AMZ2: variants seen among roughly 807,000 people sequenced by gnomAD.
AMZ2 encodes archaemetzincin-2.
In AMZ2, 26 loss-of-function variants were observed where a neutral mutation model predicts 36.7. The ratio of observed to expected loss-of-function variants is 0.71; its 90% CI spans 0.52 to 0.98. The LOEUF (loss-of-function observed/expected upper bound fraction) is 0.98, where lower values mean the gene tolerates loss of function less well. Among genes scored for constraint, AMZ2 ranks in the 50% least tolerant of loss-of-function variants. AMZ2 has a pLI of 0.00. For synonymous variants in AMZ2, 144 were observed against 149.1 expected, an observed-to-expected ratio of 0.97 and a Z score of 0.25; for missense variants, 394 against 430.5, an observed-to-expected ratio of 0.92 and a Z score of 0.75.
Position 68,255,781 on chromosome 17 carries a change from T to C in AMZ2, c.832T>C (p.Leu278=), listed in dbSNP as rs781999531. The C allele has an allele frequency of 1.5e-5, 25 of 1,613,992 alleles. No individual in the cohort carries two copies. The Admixed American group carries it at 1.7e-4, about 11-fold the overall frequency. Residue 278 remains leucine (L), a synonymous_variant, in exon 6 of 7, where the codon TTG becomes CTG. Coordinates refer to ENST00000359904, the MANE Select transcript of AMZ2 (RefSeq NM_016627.5). The stretch of plus-strand genomic sequence containing the variant: ...ATGCCTCATGCAAGGCTCCAACCAC[T>C]TGGAAGAAGCTGACCGGCGCCCTCT... ...LACLMQGSNH[L]EEADRRPLNL... is the part of the protein sequence containing the mutation.
upstream of AMZ2, among the ~76,000 whole-genome samples, chr17:68,246,312 G>A (rs549544266): frequency 6.6e-6 from 1 of 151,814 alleles, no homozygotes; most frequent in South Asian, 2.1e-4. Flanking sequence ...AAGTTGCAGT[G>A]AGCCGAGATC....
chr17:68,256,566 G>A (rs1462455560), intron 6 of AMZ2, among the ~76,000 whole-genome samples: 3 of 152,238 alleles, frequency 2.0e-5, no homozygotes, highest in African/African-American at 7.2e-5. Context: ...GTGTAAGAAT[G>A]AGTGTATTTC....
At chr17:68,237,670 T>TAGCACAGCAGTG (rs1318469023) in intron 1 of AMZ2, among the ~76,000 whole-genome samples, 1 of 152,150 alleles carries the variant, frequency 6.6e-6, no homozygotes, top group Non-Finnish European at 1.5e-5. Flanking sequence ...CACCTGCATT[T>TAGCACAGCAGTG]AGCACAGCAG....
intron 1 of AMZ2, among the ~76,000 whole-genome samples, chr17:68,209,306 G>A (rs1428892766): frequency 1.3e-5 from 2 of 150,980 alleles, no homozygotes; most frequent in Non-Finnish European, 2.9e-5. Context: ...CGATTCTCCT[G>A]CCTCAGCCTC....
intron 1 of AMZ2, among the ~76,000 whole-genome samples, chr17:68,207,809 C>T (rs1327641517): frequency 6.6e-6 from 1 of 152,118 alleles, no homozygotes; most frequent in Non-Finnish European, 1.5e-5. Context: ...CCTTTCTGGG[C>T]TGGCCAAGGC....
At chr17:68,207,085 A>G (rs1356481655) in intron 1 of AMZ2, 2 of 152,250 alleles carry the variant, frequency 1.3e-5, no homozygotes, top group African/African-American at 4.8e-5. Context: ...TGCAGAAGAT[A>G]TGTAGTTGAT....
In AMZ2 at chr17:68,209,632, ATT is replaced by A. The variant is rs1224207690; in HGVS notation, c.-67+3408_-67+3409del. Among the ~76,000 whole-genome samples the A allele has an allele frequency of 5.2e-3, 469 of 90,694 alleles. 8 individuals are homozygous for A. Among genetic ancestry groups the A allele is most frequent in the Non-Finnish European group, 6.6e-3 (333 of 50,080 alleles). The allele number at this position is 90,694 out of a possible 152,430, so 59.5% of individuals were successfully genotyped here. On this transcript the variant is annotated intron_variant, in intron 1 of 7. Coordinates refer to the AMZ2 transcript ENST00000674770. Reference sequence around the variant, plus strand: ...TATGTATATATATATATATATATATATTTTTTTTTTTTTTTATACAGAGTCTC... The same window carrying A: ...TATGTATATATATATATATATATATATTTTTTTTTTTTTATACAGAGTCTC...
In AMZ2 at chr17:68,248,577, C is replaced by G. The variant is rs1226615220; in HGVS notation, c.-129C>G. ...AGGCTTGGGAGGCAAGAGGAGGCCTCCTGACCTTTCACACTGCCTTTTTAA... is the reference window on the plus strand; with the variant it reads ...AGGCTTGGGAGGCAAGAGGAGGCCTGCTGACCTTTCACACTGCCTTTTTAA... On this transcript the variant is annotated 5_prime_UTR_variant, in exon 1 of 7. Coordinates refer to ENST00000359904, the MANE Select transcript of AMZ2 (RefSeq NM_016627.5). The G allele has an allele frequency of 1.7e-4, 167 of 985,904 alleles. 1 individual carries two copies. Among genetic ancestry groups the G allele is most frequent in the Non-Finnish European group, 2.0e-4 (163 of 830,026 alleles). 61.1% of individuals were successfully genotyped at this position (985,904 alleles called of 1,614,324 possible).
intron 1 of AMZ2, among the ~76,000 whole-genome samples, chr17:68,207,891 G>C (rs1811217): frequency 0.3 from 46,096 of 151,816 alleles, 7,606 homozygotes; most frequent in East Asian, 0.62. Flanking sequence ...GGCTGCGAGC[G>C]GTGCTTGCGG....
At chr17:68,250,567 T>G (rs2074379632) in intron 2 of AMZ2, 97 bp downstream of exon 2, 1 of 1,459,352 alleles carries the variant, frequency 6.9e-7, no homozygotes, top group South Asian at 1.4e-5. Context: ...TGGGCCGTTT[T>G]AGGATCGTTT....
At chr17:68,216,257 C>A (rs537336752) in intron 1 of AMZ2, among the ~76,000 whole-genome samples, 9 of 152,252 alleles carry the variant, frequency 5.9e-5, no homozygotes, top group East Asian at 1.9e-4. Flanking sequence ...CCTCAGCCCC[C>A]CTAGGAGCTG....
chr17:68,216,274 C>T (rs782427763), intron 1 of AMZ2, among the ~76,000 whole-genome samples: 10 of 152,190 alleles, frequency 6.6e-5, no homozygotes, highest in Non-Finnish European at 1.5e-4. Context: ...GCTGGGACTA[C>T]AGGCATGTGC....
At chr17:68,220,983 C>T (rs181817667) in intron 1 of AMZ2, among the ~76,000 whole-genome samples, 19 of 152,054 alleles carry the variant, frequency 1.2e-4, no homozygotes, top group African/African-American at 4.6e-4. Flanking sequence ...AAGGTTTCTC[C>T]ATGTTGGCCA....
chr17:68,253,354 C>T (rs61103052), intron 4 of AMZ2, among the ~76,000 whole-genome samples: 38,559 of 151,982 alleles, frequency 0.25, 5,071 homozygotes, highest in Admixed American at 0.32. Context: ...AAAAACTGAA[C>T]GAGAGACATA....
At chr17:68,229,287 G>A (rs567308680) in intron 1 of AMZ2, among the ~76,000 whole-genome samples, 8 of 152,174 alleles carry the variant, frequency 5.3e-5, no homozygotes, top group Admixed American at 1.3e-4. Context: ...GCACAGCCGT[G>A]GCTGAACAGA....
Position 68,255,888 on chromosome 17 carries a change from G to T in AMZ2, c.927+12G>T. On this transcript the variant is annotated intron_variant, in intron 6 of 6. Coordinates refer to ENST00000359904, the MANE Select transcript of AMZ2 (RefSeq NM_016627.5). ...TAGAAAGATACAAAGTAAGTTGGGG[G>T]GTGGACAGTCTAAAGAGGGGGAAGT... 1.2e-6 allele frequency: 2 copies of T among 1,613,324 alleles called. No homozygotes were observed. The highest frequency in any genetic ancestry group is 1.7e-6 in the Non-Finnish European group (2 of 1,179,568).
chr17:68,253,759 A>ATTT lies in AMZ2; in HGVS notation c.587-634_587-632dup, dbSNP rs71142159. On this transcript the variant is annotated intron_variant, in intron 4 of 6. Coordinates refer to ENST00000359904, the MANE Select transcript of AMZ2 (RefSeq NM_016627.5). ...ATCATGACTTCCTATTGTTCATGTG[A>ATTT]TTTTTTTTTTTTTGAGACTGAGTAT... Among the ~76,000 whole-genome samples the ATTT allele has an allele frequency of 8.8e-3, 1,283 of 146,582 alleles. 12 individuals are homozygous for ATTT. The highest frequency in any genetic ancestry group is 0.025 in the African/African-American group (1,007 of 39,544).
intron 1 of AMZ2, among the ~76,000 whole-genome samples, chr17:68,225,676 C>G (rs1422335125): frequency 6.6e-6 from 1 of 151,888 alleles, no homozygotes; most frequent in Non-Finnish European, 1.5e-5. Context: ...CTCTGTTGCC[C>G]AGGCTGGAGT....
In AMZ2 at chr17:68,250,368, A is replaced by T; in HGVS notation, c.181A>T (p.Thr61Ser). The T allele has an allele frequency of 6.2e-7, 1 of 1,614,104 alleles. No individual in the cohort carries two copies. Among genetic ancestry groups the T allele is most frequent in the Non-Finnish European group, 8.5e-7 (1 of 1,180,028 alleles). ...CTTGCATTCTCCATCAGATTGGATC[A>T]CCTCCCACCCTGAGGCTCCCCAAGA... is the stretch of plus-strand genomic sequence containing the variant. Reference protein sequence around the residue: ...ITLHSPSDWITSHPEAPQDFE... With the variant: ...ITLHSPSDWISSHPEAPQDFE... The change falls in exon 2 of 7, where the codon ACC becomes TCC. Residue 61 changes from threonine (T) to serine (S), a missense_variant. Physicochemically the swap from Thr to Ser is moderately conservative, Grantham distance 58. Coordinates refer to ENST00000359904, the MANE Select transcript of AMZ2 (RefSeq NM_016627.5).
Sources: allele counts gnomAD v4.1 joint callset (sites outside exome capture counted in the v4.1 genomes callset), GRCh38; gene constraint gnomAD v4.1.1; transcripts MANE v1.5; gene names NCBI Gene and HGNC (gene_info 2026-07-23, HGNC 2026-07-21).